The following YAE1 variants were observed in gnomAD, a reference collection of about 807,000 sequenced individuals.
YAE1 encodes protein YAE1 homolog.
Under a neutral mutation model 23.0 loss-of-function variants are expected in YAE1, and 22 were observed. The observed-to-expected ratio is 0.96, with a 90% CI of 0.68 to 1.37. The LOEUF (loss-of-function observed/expected upper bound fraction) is 1.37, where lower values mean the gene tolerates loss of function less well. Ranked by LOEUF, YAE1 falls within the 40% of genes most tolerant of loss-of-function variation. The probability of loss-of-function intolerance (pLI) is 0.00; values close to 1 mark genes in which losing one functional copy is unlikely to be tolerated. For synonymous variants in YAE1, 101 were observed against 97.0 expected (o/e 1.04, Z -0.24); for missense variants, 260 against 262.1 (o/e 0.99, Z 0.06).
Position 39,572,422 on chromosome 7 carries a change from T to C in YAE1, c.397T>C (p.Leu133=). The change falls in exon 3 of 3, where the codon TTA becomes CTA. Residue 133 remains leucine (L), a synonymous_variant. Coordinates refer to ENST00000223273, the MANE Select transcript of YAE1 (RefSeq NM_020192.5). ...CACTCCACCGTCCCATGTTGTAGAT[T>C]TATTGGACTCCATTGAGGATATGGA... ...SITPPSHVVD[L]LDSIEDMDLC... is the part of the protein sequence containing the mutation. 1 of 1,614,172 alleles carries C rather than the reference T, an allele frequency of 6.2e-7. No individual in the cohort carries two copies. The highest frequency in any genetic ancestry group is 8.5e-7 in the Non-Finnish European group (1 of 1,179,992).
chr7:39,578,174 C>G (rs1790685200), intron 2 of YAE1, among the ~76,000 whole-genome samples: 1 of 151,062 alleles, frequency 6.6e-6, no homozygotes, highest in Non-Finnish European at 1.5e-5. Flanking sequence ...CACTCTGTGT[C>G]TAGTTCAAGC....
intron 2 of YAE1, among the ~76,000 whole-genome samples, chr7:39,604,062 G>A (rs1330646438): frequency 6.6e-6 from 1 of 152,184 alleles, no homozygotes; most frequent in African/African-American, 2.4e-5. Context: ...CAGGAAGTAT[G>A]GAGGAAGGGC....
chr7:39,609,793 G>A (rs902488996), exon 3 of YAE1: 2 of 1,531,958 alleles, frequency 1.3e-6, no homozygotes, highest in Non-Finnish European at 1.7e-6. Flanking sequence ...CAAAGCGGCC[G>A]CGCCACTCCC....
intron 2 of YAE1, among the ~76,000 whole-genome samples, chr7:39,594,675 A>G (rs1790951099): frequency 6.6e-6 from 1 of 151,606 alleles, no homozygotes; most frequent in African/African-American, 2.4e-5. Flanking sequence ...ACCTTGGTTC[A>G]CTGAAACCTC....
At chr7:39,609,497 A>G in intron 2 of YAE1, 1 of 1,356,764 alleles carries the variant, frequency 7.4e-7, no homozygotes, top group South Asian at 1.5e-5. Flanking sequence ...AACAGAGACA[A>G]ATCTTCGTTA....
chr7:39,587,176 C>T (rs1440246594), intron 2 of YAE1, among the ~76,000 whole-genome samples: 1 of 152,134 alleles, frequency 6.6e-6, no homozygotes. Context: ...CCCACCTCAG[C>T]GTCCCAAGCA....
chr7:39,595,200 A>T (rs1790957387), intron 2 of YAE1, among the ~76,000 whole-genome samples: 3 of 152,074 alleles, frequency 2.0e-5, no homozygotes, highest in Non-Finnish European at 4.4e-5. Context: ...TTCCGTGGAT[A>T]AGTGAGTAGA....
intron 2 of YAE1, among the ~76,000 whole-genome samples, chr7:39,600,453 A>G (rs1157015059): frequency 6.6e-6 from 1 of 151,986 alleles, no homozygotes; most frequent in Non-Finnish European, 1.5e-5. Flanking sequence ...GCTGGAGTGC[A>G]GTGGCACTAT....
intron 2 of YAE1, among the ~76,000 whole-genome samples, chr7:39,607,465 G>A (rs917979674): frequency 5.9e-5 from 9 of 152,146 alleles, no homozygotes; most frequent in Non-Finnish European, 8.8e-5. Context: ...GAAAGTGAAG[G>A]AAGGAGGCCA....
intron 2 of YAE1, among the ~76,000 whole-genome samples, chr7:39,608,538 T>A (rs1791161863): frequency 6.6e-6 from 1 of 152,172 alleles, no homozygotes; most frequent in Non-Finnish European, 1.5e-5. Flanking sequence ...TCTCAGGAGA[T>A]CTGCTCTCTT....
chr7:39,601,723 C>A (rs1480546649), intron 2 of YAE1, among the ~76,000 whole-genome samples: 3 of 146,748 alleles, frequency 2.0e-5, no homozygotes, highest in African/African-American at 7.6e-5. Flanking sequence ...GGAGCCACTG[C>A]ACTCCAGCCT....
chr7:39,566,537 G>A lies in YAE1; in HGVS notation c.119G>A (p.Arg40Lys), dbSNP rs1395121551. ...AQREWQSNMQRRVKEGYRDGI... is the reference protein window; with the variant it reads ...AQREWQSNMQKRVKEGYRDGI... ...CGGGAATGGCAGAGTAACATGCAAA[G>A]ACGAGTCAAAGTAAACGTGGTGTGG... is the stretch of plus-strand genomic sequence containing the variant. Residue 40 changes from arginine (R) to lysine (K), a missense_variant, in exon 1 of 3, where the codon AGA becomes AAA. Arg to Lys is a conservative substitution (Grantham distance 26). Coordinates refer to ENST00000223273, the MANE Select transcript of YAE1 (RefSeq NM_020192.5). The A allele has an allele frequency of 6.2e-7, 1 of 1,613,884 alleles. No individual in the cohort carries two copies. The highest frequency in any genetic ancestry group is 8.5e-7 in the Non-Finnish European group (1 of 1,179,938).
At chr7:39,597,201 C>T (rs1790987703) in intron 2 of YAE1, among the ~76,000 whole-genome samples, 1 of 152,226 alleles carries the variant, frequency 6.6e-6, no homozygotes, top group African/African-American at 2.4e-5. Flanking sequence ...GTAACGCTTT[C>T]TCTCATTATT....
intron 1 of YAE1, among the ~76,000 whole-genome samples, chr7:39,569,174 A>C (rs1353603394): frequency 1.3e-5 from 2 of 152,220 alleles, no homozygotes; most frequent in South Asian, 2.1e-4. Flanking sequence ...TTAGAGAACT[A>C]GTTAAACCAC....
At chr7:39,610,332 T>C, downstream of YAE1, 1 of 480,326 alleles carries the variant, frequency 2.1e-6, no homozygotes. Context: ...GCATGGTTGC[T>C]ATACATTTTT....
intron 2 of YAE1, among the ~76,000 whole-genome samples, chr7:39,603,253 G>T (rs981419103): frequency 2.0e-5 from 3 of 150,448 alleles, no homozygotes; most frequent in African/African-American, 7.3e-5. Flanking sequence ...ATTCTCCTGC[G>T]TCAGCCTCCC....
chr7:39,577,839 C>T (rs115107726), downstream of YAE1, among the ~76,000 whole-genome samples: 2,565 of 152,344 alleles, frequency 0.017, 64 homozygotes, highest in African/African-American at 0.056. Flanking sequence ...GCAGGATCCA[C>T]GAGGTGAAGC....
At chr7:39,596,868 A>G (rs1311100265) in intron 2 of YAE1, among the ~76,000 whole-genome samples, 1 of 152,264 alleles carries the variant, frequency 6.6e-6, no homozygotes, top group Non-Finnish European at 1.5e-5. Context: ...CAACTAATAT[A>G]GGAAAAATAA....
At chr7:39,568,592 C>G (rs1202596732) in intron 1 of YAE1, among the ~76,000 whole-genome samples, 1 of 152,094 alleles carries the variant, frequency 6.6e-6, no homozygotes, top group African/African-American at 2.4e-5. Context: ...ACAGACAGTT[C>G]AATTTGATGG....
Sources: allele counts gnomAD v4.1 joint callset (sites outside exome capture counted in the v4.1 genomes callset), GRCh38; gene constraint gnomAD v4.1.1; transcripts MANE v1.5; gene names NCBI Gene and HGNC (gene_info 2026-07-23, HGNC 2026-07-21).